SMIM7: variants seen among roughly 807,000 people sequenced by gnomAD.
SMIM7 encodes UPF0608 protein C19orf42.
In SMIM7, 12 loss-of-function variants were observed where a neutral mutation model predicts 13.3. That is an observed-to-expected ratio of 0.90 (90% CI 0.58 to 1.46). The LOEUF (loss-of-function observed/expected upper bound fraction) is 1.46. Among genes scored for constraint, SMIM7 ranks in the 40% most tolerant of loss-of-function variants. SMIM7 has a pLI of 0.00. For synonymous variants in SMIM7, 36 were observed against 35.8 expected (o/e 1.01, Z -0.02); for missense variants, 114 against 94.8 (o/e 1.20, Z -0.84).
chr19:16,652,102 C>T (rs567213177), intron 4 of SMIM7, among the ~76,000 whole-genome samples: 4 of 152,364 alleles, frequency 2.6e-5, no homozygotes, highest in Non-Finnish European at 5.9e-5. Context: ...ATGCTGACTT[C>T]TTCCCTGCCC....
At chr19:16,656,850 G>C (rs139398264) in intron 3 of SMIM7, among the ~76,000 whole-genome samples, 170 of 151,954 alleles carry the variant, frequency 1.1e-3, no homozygotes, top group African/African-American at 3.3e-3. Context: ...AGGGAGCTGA[G>C]ATGGTGCCAC....
At chr19:16,649,563 ACT>A (rs1354504172) in intron 4 of SMIM7, among the ~76,000 whole-genome samples, 3 of 152,040 alleles carry the variant, frequency 2.0e-5, no homozygotes, top group African/African-American at 7.2e-5. Flanking sequence ...ACAGAGCGAG[ACT>A]CTGTCTCCAA....
At chr19:16,655,540 G>A (rs2122545779) in intron 3 of SMIM7, among the ~76,000 whole-genome samples, 1 of 151,934 alleles carries the variant, frequency 6.6e-6, no homozygotes, top group East Asian at 1.9e-4. Flanking sequence ...AGTTAGCCGG[G>A]TGTGGTGGTG....
chr19:16,631,970 A>G (rs1490409469), intron 4 of SMIM7, among the ~76,000 whole-genome samples: 1 of 151,876 alleles, frequency 6.6e-6, no homozygotes, highest in Non-Finnish European at 1.5e-5. Flanking sequence ...TTCAGGTTCA[A>G]GCGATTCTCC....
intron 4 of SMIM7, among the ~76,000 whole-genome samples, chr19:16,650,908 A>T (rs1265588634): frequency 2.6e-5 from 4 of 152,128 alleles, no homozygotes; most frequent in African/African-American, 9.7e-5. Flanking sequence ...CTGCATGCAC[A>T]TTACACAGCT....
intron 4 of SMIM7, chr19:16,653,090 G>A: frequency 2.7e-6 from 3 of 1,103,700 alleles, no homozygotes; most frequent in Non-Finnish European, 3.8e-6. Flanking sequence ...CACCTCGGCA[G>A]ATGCAGAAGA....
At chr19:16,637,812 C>T (rs2086370324) in intron 4 of SMIM7, among the ~76,000 whole-genome samples, 2 of 152,240 alleles carry the variant, frequency 1.3e-5, no homozygotes, top group African/African-American at 4.8e-5. Context: ...ATGGGTCAGA[C>T]TTTGACCATC....
chr19:16,644,830 C>G (rs2122507816), downstream of SMIM7: 1 of 152,306 alleles, frequency 6.6e-6, no homozygotes. Context: ...GGTGATGATA[C>G]CCACAGCAAC....
At chr19:16,635,898 A>T (rs1490214299) in intron 4 of SMIM7, among the ~76,000 whole-genome samples, 10 of 134,034 alleles carry the variant, frequency 7.5e-5, no homozygotes, top group Non-Finnish European at 1.2e-4. Flanking sequence ...AAAAAAAAAA[A>T]AATATATATA....
At chr19:16,657,160 T>C (rs549886923) in intron 3 of SMIM7, among the ~76,000 whole-genome samples, 60 of 152,236 alleles carry the variant, frequency 3.9e-4, no homozygotes, top group Non-Finnish European at 7.1e-4. Context: ...ATGCAGCCAC[T>C]ATGGTATTAC....
At chr19:16,651,894 C>T (rs2086531541) in intron 4 of SMIM7, among the ~76,000 whole-genome samples, 1 of 146,832 alleles carries the variant, frequency 6.8e-6, no homozygotes, top group African/African-American at 2.5e-5. Context: ...TGCCCCAGGA[C>T]CTTTGCAAAG....
intron 4 of SMIM7, among the ~76,000 whole-genome samples, chr19:16,638,470 A>AT (rs201573770): frequency 0.011 from 1,618 of 151,270 alleles, 18 homozygotes; most frequent in Middle Eastern, 0.031. Flanking sequence ...TGCCCGGCTA[A>AT]TTTTTGTAAT....
chr19:16,639,218 G>C (rs1011686352), intron 4 of SMIM7, among the ~76,000 whole-genome samples: 1 of 151,236 alleles, frequency 6.6e-6, no homozygotes, highest in African/African-American at 2.4e-5. Flanking sequence ...GCCCCCCCAG[G>C]TTCACGCCAT....
At chr19:16,632,387 A>G (rs964947860) in intron 4 of SMIM7, among the ~76,000 whole-genome samples, 3 of 152,024 alleles carry the variant, frequency 2.0e-5, no homozygotes, top group Non-Finnish European at 4.4e-5. Flanking sequence ...TCAAGTAGGG[A>G]TGGGGATACA....
intron 3 of SMIM7, chr19:16,655,468 G>A (rs995889384): frequency 4.4e-6 from 2 of 451,832 alleles, no homozygotes; most frequent in Admixed American, 4.7e-5. Flanking sequence ...ATTACCTGAG[G>A]TCGGGAGTTC....
intron 4 of SMIM7, among the ~76,000 whole-genome samples, chr19:16,647,834 C>T (rs2086469878): frequency 6.6e-6 from 1 of 152,082 alleles, no homozygotes; most frequent in Admixed American, 6.6e-5. Flanking sequence ...ATTATCTTTG[C>T]AACATTTCCA....
downstream of SMIM7, among the ~76,000 whole-genome samples, chr19:16,643,551 T>C (rs1161819939): frequency 6.6e-6 from 1 of 152,132 alleles, no homozygotes. Context: ...CATGTGCCAC[T>C]ATGCCCAGCT....
intron 4 of SMIM7, chr19:16,640,639 T>C (rs1175240142): frequency 6.6e-6 from 1 of 152,110 alleles, no homozygotes; most frequent in Non-Finnish European, 1.5e-5. Context: ...CGTCTAACTA[T>C]CAAGAGAAAG....
rs190429502 is a variant in SMIM7, at chr19:16,659,678, G to A, written c.69-231C>T. ...AAAGTGGCCCGACAGTGCGGGTGCA[G>A]GGCGGAAGGTCCGCGGTGGGGCTAT... is the stretch of plus-strand genomic sequence containing the variant. On this transcript the variant is annotated intron_variant, in intron 2 of 4. Transcript: ENST00000487416. The A allele has an allele frequency of 1.8e-3, 1,182 of 651,158 alleles. 9 individuals carry two copies. In the Admixed American group the frequency reaches 0.019, roughly 10 times the overall value. 40.3% of individuals were successfully genotyped at this position (651,158 alleles called of 1,614,324 possible).
Sources: allele counts gnomAD v4.1 joint callset (sites outside exome capture counted in the v4.1 genomes callset), GRCh38; gene constraint gnomAD v4.1.1; transcripts MANE v1.5; gene names NCBI Gene and HGNC (gene_info 2026-07-23, HGNC 2026-07-21).